Variants in TRIM71 observed in about 807,000 individuals in gnomAD.
The protein encoded by TRIM71 is tripartite motif containing 71, also known as E3 ubiquitin-protein ligase TRIM71.
TRIM71 carries 9 observed loss-of-function variants against 61.2 expected under a neutral mutation model. The ratio of observed to expected loss-of-function variants is 0.15; its 90% confidence interval spans 0.09 to 0.26. The LOEUF is 0.26. Among genes scored for constraint, TRIM71 ranks in the 10% least tolerant of loss-of-function variants. The pLI is 1.00. For missense variants in TRIM71, 998 were observed against 1,238.7 expected (o/e 0.81, Z 2.92); for synonymous variants, 645 against 553.2 (o/e 1.17, Z -2.33).
chr3:32,838,117 A>C (rs1696356094), intron 1 of TRIM71, among the ~76,000 whole-genome samples: 1 of 152,142 alleles, frequency 6.6e-6, no homozygotes, highest in Non-Finnish European at 1.5e-5. Context: ...AGACCCTTAC[A>C]TCAGTATAAA....
At chr3:32,838,486 G>A (rs1696360792) in intron 1 of TRIM71, among the ~76,000 whole-genome samples, 2 of 149,874 alleles carry the variant, frequency 1.3e-5, no homozygotes, top group Admixed American at 6.7e-5. Context: ...GCCTCCCAAA[G>A]TGCAGAGATT....
chr3:32,889,430 A>G (rs1696997787), intron 3 of TRIM71, among the ~76,000 whole-genome samples: 1 of 152,054 alleles, frequency 6.6e-6, no homozygotes, highest in African/African-American at 2.4e-5. Context: ...GGTGCACAGC[A>G]CTGTGCCCAG....
At chr3:32,852,065 A>C (rs1696544453) in intron 1 of TRIM71, among the ~76,000 whole-genome samples, 1 of 152,166 alleles carries the variant, frequency 6.6e-6, no homozygotes, top group African/African-American at 2.4e-5. Flanking sequence ...GTCCTGTGGG[A>C]ACAAAGGCTC....
chr3:32,863,933 CG>C (rs957733391), intron 1 of TRIM71, among the ~76,000 whole-genome samples: 136 of 152,264 alleles, frequency 8.9e-4, no homozygotes, highest in Middle Eastern at 6.8e-3. Context: ...CCACCCGCCT[CG>C]GCCTCTCAAA....
In TRIM71 at chr3:32,891,636, C is replaced by T; in HGVS notation, c.2432C>T (p.Ala811Val). ...AVDQEGRIIV[A>V]DSRNHRVQMF... ...GACCAGGAAGGGCGCATCATTGTGG[C>T]GGATTCCAGGAACCATCGGGTACAG... The change falls in exon 4 of 4, where the codon GCG (alanine) becomes GTG (valine). Residue 811 changes from alanine (A) to valine (V), a missense_variant. Around this residue, in one of 5 missense-constraint regions of TRIM71, gnomAD observed 95 missense variants for 159.0 expected, o/e 0.60. Transcript: ENST00000383763. The surrounding 1 kb of genome is among the most constrained non-coding windows in gnomAD (Gnocchi z 8.2). 1.2e-6 allele frequency: 2 copies of T among 1,612,896 alleles called. No homozygotes were observed. Among genetic ancestry groups the T allele is most frequent in the Non-Finnish European group, 8.5e-7 (1 of 1,179,230 alleles).
chr3:32,897,186 CTT>C lies in TRIM71; in HGVS notation c.*5379_*5380del, dbSNP rs996162604. ...TGCAGAACATGTGACTCGGTTGAGT[CTT>C]TTTGTCTTTTTTTTTTTTAAATAAA... On this transcript the variant is annotated 3_prime_UTR_variant, in exon 4 of 4. Transcript: ENST00000383763. 4.7e-5 allele frequency: 7 copies of C among 150,390 alleles called. No individual in the cohort carries two copies. Among genetic ancestry groups the C allele is most frequent in the African/African-American group, 1.7e-4 (7 of 40,746 alleles). 9.3% of individuals were successfully genotyped at this position (150,390 alleles called of 1,614,324 possible). A position where few individuals can be genotyped will look rare whatever the true frequency, so the allele number is the denominator to read the frequency against.
At chr3:32,865,418 C>T (rs533639669) in intron 1 of TRIM71, among the ~76,000 whole-genome samples, 5 of 152,252 alleles carry the variant, frequency 3.3e-5, no homozygotes, top group South Asian at 2.1e-4. Flanking sequence ...ACTACATACA[C>T]GAGTTACACC....
chr3:32,824,745 A>G (rs1280398260), intron 1 of TRIM71, among the ~76,000 whole-genome samples: 6 of 152,094 alleles, frequency 3.9e-5, no homozygotes, highest in South Asian at 2.1e-4. Context: ...AGGCCTCCCA[A>G]AATGCTGGGA....
rs1316852816 is a variant in TRIM71 at position 32,818,467 on chromosome 3, G to A, written c.387G>A (p.Glu129=). 6.9e-7 allele frequency: 1 copy of A among 1,453,556 alleles called. No homozygotes were observed. Among genetic ancestry groups the A allele is most frequent in the South Asian group, 1.3e-5 (1 of 77,434 alleles). The allele number at this position is 1,453,556 out of a possible 1,614,324, so 90.0% of individuals were successfully genotyped here. The part of the protein sequence containing the change: ...LLDAVVATAD[E]PPPKNGRAGA... ...ACGCGGTGGTGGCCACTGCCGACGA[G>A]CCGCCGCCCAAGAACGGGCGCGCCG... The change falls in exon 1 of 4, where the codon GAG becomes GAA. Residue 129 remains glutamate, a synonymous_variant. Transcript: ENST00000383763.
chr3:32,859,858 T>C (rs1039130500), intron 1 of TRIM71, among the ~76,000 whole-genome samples: 8 of 152,110 alleles, frequency 5.3e-5, no homozygotes, highest in African/African-American at 1.9e-4. Flanking sequence ...CCCAGTAACA[T>C]GGTTCCTGGT....
intron 1 of TRIM71, among the ~76,000 whole-genome samples, chr3:32,821,196 A>T (rs992079067): frequency 6.6e-6 from 1 of 152,146 alleles, no homozygotes; most frequent in Admixed American, 6.5e-5. Flanking sequence ...GCTTTAGGAC[A>T]TTTTTGGAGG....
intron 1 of TRIM71, among the ~76,000 whole-genome samples, chr3:32,822,185 C>T (rs1159611618): frequency 2.0e-5 from 3 of 152,132 alleles, no homozygotes; most frequent in African/African-American, 7.2e-5. Flanking sequence ...GCCTCTGTCA[C>T]TAGCGGTGAG....
In TRIM71 at chr3:32,818,402, G is replaced by A; in HGVS notation, c.322G>A (p.Ala108Thr). Residue 108 changes from alanine to threonine, a missense_variant, in exon 1 of 4, where the codon GCG becomes ACG. By Grantham distance (58) the Ala-to-Thr change is moderately conservative (BLOSUM62 0). Around this residue, in one of 5 missense-constraint regions of TRIM71, gnomAD observed 527 missense variants for 427.8 expected, o/e 1.23. Transcript: ENST00000383763. ...GCTAGCCGAGGCGGCGGGTATGGACGCGCTGCCTTCGTCCGCCTTCCTGCT... is the reference window on the plus strand; with the variant it reads ...GCTAGCCGAGGCGGCGGGTATGGACACGCTGCCTTCGTCCGCCTTCCTGCT... Reference protein sequence around the residue: ...VVLAEAAGMDALPSSAFLLSN... With the variant: ...VVLAEAAGMDTLPSSAFLLSN... 2 of 1,478,334 alleles carry A rather than the reference G, an allele frequency of 1.4e-6. No homozygotes were observed. The highest frequency in any genetic ancestry group is 1.8e-4 in the Middle Eastern group (1 of 5,612). 91.6% of individuals were successfully genotyped at this position (1,478,334 alleles called of 1,614,324 possible).
At position 32,871,313 on chromosome 3, in the gene TRIM71, T is replaced by C. The variant is rs1696792799; in HGVS notation, c.853-2505T>C. On this transcript the variant is annotated intron_variant, in intron 1 of 3. Transcript: ENST00000383763. ...GTTACAATTTGCAAGAGCCCCTTAG[T>C]CCGAAGGAAGCAGGAGAGTGCCATT... Among the ~76,000 whole-genome samples, 3 of 152,224 alleles carry C rather than the reference T, an allele frequency of 2.0e-5. No individual in the cohort carries two copies. The South Asian group carries it at 6.2e-4, about 32-fold the overall frequency.
intron 1 of TRIM71, among the ~76,000 whole-genome samples, chr3:32,867,765 AATACTATAATAACT>A (rs1219412189): frequency 6.6e-6 from 1 of 152,218 alleles, no homozygotes; most frequent in Non-Finnish European, 1.5e-5. Context: ...GATTGTCAAA[AATACTATAATAACT>A]ATAGTACCGT....
chr3:32,821,298 T>G (rs1391050187), intron 1 of TRIM71, among the ~76,000 whole-genome samples: 2 of 152,198 alleles, frequency 1.3e-5, no homozygotes, highest in African/African-American at 4.8e-5. Flanking sequence ...ATTTTTAAGA[T>G]GAGCTCCTTA....
At chr3:32,830,212 C>T (rs192486117) in intron 1 of TRIM71, among the ~76,000 whole-genome samples, 2 of 152,064 alleles carry the variant, frequency 1.3e-5, no homozygotes, top group Admixed American at 6.6e-5. Flanking sequence ...TGTGAGCCAC[C>T]GTGTCCAGCC....
intron 1 of TRIM71, among the ~76,000 whole-genome samples, chr3:32,871,844 T>C (rs1696798054): frequency 6.6e-6 from 1 of 152,178 alleles, no homozygotes; most frequent in South Asian, 2.1e-4. Flanking sequence ...ACATTTCCCT[T>C]GTATAAAGTA....
chr3:32,891,332 T>C lies in TRIM71; in HGVS notation c.2128T>C (p.Ser710Pro). Residue 710 changes from serine to proline, a missense_variant, in exon 4 of 4, where the codon TCT becomes CCT. Around this residue, in one of 5 missense-constraint regions of TRIM71, gnomAD observed 83 missense variants for 202.7 expected, o/e 0.41. Coordinates refer to ENST00000383763, the MANE Select transcript of TRIM71 (RefSeq NM_001039111.3). This position sits in a 1 kb window ranked among gnomAD's most constrained non-coding sequence, Gnocchi z 8.2. ...FNYPWDVAVN[S>P]EGKILVSDTR... is the part of the protein sequence containing the mutation. ...CTACCCTTGGGATGTGGCGGTGAAT[T>C]CTGAGGGCAAGATCCTGGTCTCAGA... 1 of 1,614,028 alleles carries C rather than the reference T, an allele frequency of 6.2e-7. No individual in the cohort carries two copies.
Sources: allele counts gnomAD v4.1 joint callset (sites outside exome capture counted in the v4.1 genomes callset), GRCh38; gene constraint gnomAD v4.1.1; regional missense constraint gnomAD v4.1.1; non-coding constraint Gnocchi (gnomAD v3.1); transcripts MANE v1.5; gene names NCBI Gene and HGNC (gene_info 2026-07-23, HGNC 2026-07-21).